Variants in DCLK1 observed in about 807,000 individuals in gnomAD.
DCLK1 encodes serine/threonine-protein kinase DCLK1.
Under a neutral mutation model 86.2 loss-of-function variants are expected in DCLK1, and 16 were observed. That is an observed-to-expected ratio of 0.19 (90% CI 0.13 to 0.28). DCLK1 has a LOEUF of 0.28. DCLK1 is among the 10% of genes least tolerant of loss of function. DCLK1 has a pLI of 1.00. For missense variants in DCLK1, 590 were observed against 940.2 expected, an observed-to-expected ratio of 0.63 and a Z score of 4.87; for synonymous variants, 369 against 370.5, an observed-to-expected ratio of 1.00 and a Z score of 0.05.
At chr13:36,054,449 C>T (rs914917805) in intron 3 of DCLK1, among the ~76,000 whole-genome samples, 4 of 152,324 alleles carry the variant, frequency 2.6e-5, no homozygotes, top group Middle Eastern at 3.4e-3. Flanking sequence ...AATCTCAGGA[C>T]CTTCACAACA....
At chr13:35,928,828 C>T (rs765111303) in intron 4 of DCLK1, among the ~76,000 whole-genome samples, 3 of 152,188 alleles carry the variant, frequency 2.0e-5, no homozygotes, top group Non-Finnish European at 2.9e-5. Flanking sequence ...TCTATAAGCC[C>T]TTGTGGGTAG....
Position 35,872,479 on chromosome 13 carries a change from T to C in DCLK1, c.824-1139A>G, listed in dbSNP as rs180816287. Reference sequence around the variant, plus strand: ...ACTTAACCGAATTCCAACTATTGAATATCTAACTTGCTTTCAGTATTTCAC... The same window carrying C: ...ACTTAACCGAATTCCAACTATTGAACATCTAACTTGCTTTCAGTATTTCAC... On this transcript the variant is annotated intron_variant, in intron 4 of 16. Coordinates refer to ENST00000360631, the MANE Select transcript of DCLK1 (RefSeq NM_001330071.2). Among the ~76,000 whole-genome samples the C allele has an allele frequency of 3.3e-5, 5 of 152,326 alleles. No individual in the cohort carries two copies. The East Asian group carries it at 9.6e-4, about 29-fold the overall frequency.
At chr13:35,991,152 C>A (rs1880201332) in intron 3 of DCLK1, among the ~76,000 whole-genome samples, 1 of 152,148 alleles carries the variant, frequency 6.6e-6, no homozygotes, top group South Asian at 2.1e-4. Context: ...GAGAGGTACC[C>A]TCTCTTTACC....
chr13:36,012,074 T>G (rs1169400194), intron 3 of DCLK1, among the ~76,000 whole-genome samples: 39 of 141,658 alleles, frequency 2.8e-4, no homozygotes, highest in Admixed American at 2.1e-3. Flanking sequence ...GTTTTCCATT[T>G]GCTTGGTAGA....
intron 4 of DCLK1, among the ~76,000 whole-genome samples, chr13:35,946,244 T>C (rs764198827): frequency 6.6e-5 from 10 of 152,192 alleles, no homozygotes; most frequent in South Asian, 2.1e-4. Flanking sequence ...GCTCAAATGG[T>C]CTGCCCACCT....
intron 4 of DCLK1, among the ~76,000 whole-genome samples, chr13:35,914,505 C>G (rs1250471999): frequency 6.6e-6 from 1 of 150,490 alleles, no homozygotes; most frequent in Admixed American, 6.6e-5. Context: ...TCACTTGAGG[C>G]CAGGAGTTCA....
intron 4 of DCLK1, among the ~76,000 whole-genome samples, chr13:35,903,845 A>T (rs1874527296): frequency 6.6e-6 from 1 of 152,248 alleles, no homozygotes; most frequent in Non-Finnish European, 1.5e-5. Context: ...AAAGCATAAC[A>T]AAATGCAAAA....
chr13:35,861,859 T>C (rs1336917145), intron 5 of DCLK1, among the ~76,000 whole-genome samples: 1 of 147,632 alleles, frequency 6.8e-6, no homozygotes, highest in Admixed American at 6.9e-5. Context: ...ACCCCGTCTC[T>C]ACTAAAAAAA....
intron 12 of DCLK1, among the ~76,000 whole-genome samples, chr13:35,810,061 GCCTATGGC>G (rs2087111190): frequency 6.6e-6 from 1 of 152,158 alleles, no homozygotes; most frequent in Non-Finnish European, 1.5e-5. Flanking sequence ...CTCAGAGCCT[GCCTATGGC>G]CCTTGGTAAG....
At chr13:35,945,412 G>T (rs2153132829) in intron 4 of DCLK1, among the ~76,000 whole-genome samples, 1 of 152,242 alleles carries the variant, frequency 6.6e-6, no homozygotes, top group South Asian at 2.1e-4. Context: ...AGCTCACCCA[G>T]CCTGGCCAGC....
chr13:35,881,821 C>T (rs1872920878), intron 4 of DCLK1, among the ~76,000 whole-genome samples: 1 of 152,072 alleles, frequency 6.6e-6, no homozygotes, highest in Admixed American at 6.5e-5. Flanking sequence ...GTGAAATAGG[C>T]CCACCTTTAT....
At chr13:35,932,583 A>T (rs1275441225) in intron 4 of DCLK1, among the ~76,000 whole-genome samples, 1 of 152,206 alleles carries the variant, frequency 6.6e-6, no homozygotes, top group Non-Finnish European at 1.5e-5. Flanking sequence ...AACGTCTTAT[A>T]TGGATGGCAG....
At chr13:36,003,847 T>C (rs1880830978) in intron 3 of DCLK1, among the ~76,000 whole-genome samples, 1 of 152,248 alleles carries the variant, frequency 6.6e-6, no homozygotes, top group South Asian at 2.1e-4. Flanking sequence ...TAAAATTTAA[T>C]TACCTGCATT....
chr13:35,947,869 T>A (rs1188595994), intron 3 of DCLK1, among the ~76,000 whole-genome samples: 1 of 152,190 alleles, frequency 6.6e-6, no homozygotes, highest in Non-Finnish European at 1.5e-5. Context: ...CACACGATAA[T>A]CACCAAAGAA....
chr13:35,903,257 A>T (rs1874480620), intron 4 of DCLK1, among the ~76,000 whole-genome samples: 1 of 152,218 alleles, frequency 6.6e-6, no homozygotes, highest in African/African-American at 2.4e-5. Flanking sequence ...TTTAAACTTC[A>T]TTATGTCAGG....
At chr13:36,052,733 C>G (rs1247708249) in intron 3 of DCLK1, among the ~76,000 whole-genome samples, 2 of 152,140 alleles carry the variant, frequency 1.3e-5, no homozygotes, top group African/African-American at 4.8e-5. Context: ...GAAAACTGTA[C>G]CTCTAGGCTT....
chr13:35,915,875 TA>T (rs905427100), intron 4 of DCLK1, among the ~76,000 whole-genome samples: 1 of 152,158 alleles, frequency 6.6e-6, no homozygotes, highest in Non-Finnish European at 1.5e-5. Context: ...TGCCACCAAA[TA>T]AAAAGTGAGG....
At chr13:36,076,674 T>C (rs946373147) in intron 3 of DCLK1, among the ~76,000 whole-genome samples, 9 of 152,202 alleles carry the variant, frequency 5.9e-5, no homozygotes, top group African/African-American at 2.2e-4. Flanking sequence ...CCTTACGATC[T>C]GCACAGTGCC....
intron 3 of DCLK1, among the ~76,000 whole-genome samples, chr13:36,075,381 TA>T (rs1287075687): frequency 1.3e-5 from 2 of 152,104 alleles, no homozygotes; most frequent in African/African-American, 4.8e-5. Context: ...AGCACAGAGT[TA>T]GGGGAAAATA....
Sources: allele counts gnomAD v4.1 joint callset (sites outside exome capture counted in the v4.1 genomes callset), GRCh38; gene constraint gnomAD v4.1.1; transcripts MANE v1.5; gene names NCBI Gene and HGNC (gene_info 2026-07-23, HGNC 2026-07-21).